Variants in STAC2 observed in about 807,000 individuals in gnomAD.
STAC2 encodes SH3 and cysteine-rich domain-containing protein 2.
In STAC2, 36 loss-of-function variants were observed where a neutral mutation model predicts 49.0. The ratio of observed to expected loss-of-function variants is 0.74; its 90% CI spans 0.56 to 0.97. STAC2 has a LOEUF of 0.97. Ranked by LOEUF, STAC2 falls within the 50% of genes least tolerant of loss-of-function variation. The pLI, the probability that STAC2 is intolerant of heterozygous loss-of-function variation, is 0.00. For missense variants in STAC2, 527 were observed against 543.8 expected, an observed-to-expected ratio of 0.97 and a Z score of 0.31; for synonymous variants, 239 against 214.7, an observed-to-expected ratio of 1.11 and a Z score of -0.99.
In STAC2 at chr17:39,218,010, T is replaced by C. The variant is rs1301027550; in HGVS notation, c.254A>G (p.Asp85Gly). 6.7e-7 allele frequency: 1 copy of C among 1,487,662 alleles called. No homozygotes were observed. 92.2% of individuals were successfully genotyped at this position (1,487,662 alleles called of 1,614,324 possible). Reference protein sequence around the residue: ...PPPSPPPTASDRGLATPSPSP... With the variant: ...PPPSPPPTASGRGLATPSPSP... ...GGGGGATGGGGTAGCCAGGCCCCTG[T>C]CCGAGGCTGTGGGTGGTGGGGAGGG... The change falls in exon 2 of 11, where the codon GAC (aspartate) becomes GGC (glycine). Residue 85 changes from aspartate (D) to glycine (G), a missense_variant. Asp to Gly is a moderately conservative substitution (Grantham distance 94). Coordinates refer to ENST00000333461, the MANE Select transcript of STAC2 (RefSeq NM_198993.5).
At position 39,217,907 on chromosome 17, in the gene STAC2, C is replaced by T. The variant is rs1179390570; in HGVS notation, c.357G>A (p.Lys119=). ...GGCACAGCTCACAAGGGCTAGCTCG[C>T]TTGAAGACATGTTCCTGGAAGCTGT... ...RLHSFQEHVF[K]RASPCELCHQ... is the part of the protein sequence containing the mutation. The change falls in exon 2 of 11, where the codon AAG becomes AAA. Residue 119 remains lysine, a synonymous_variant. Coordinates refer to ENST00000333461, the MANE Select transcript of STAC2 (RefSeq NM_198993.5). 5 of 1,607,176 alleles carry T rather than the reference C, an allele frequency of 3.1e-6. No individual in the cohort carries two copies. Among genetic ancestry groups the T allele is most frequent in the African/African-American group, 2.7e-5 (2 of 74,766 alleles).
Position 39,216,871 on chromosome 17 carries a change from G to A in STAC2, c.525C>T (p.Ser175=), listed in dbSNP as rs754112352. Residue 175 remains serine, a synonymous_variant, in exon 4 of 11, where the codon TCC becomes TCT. Coordinates refer to ENST00000333461, the MANE Select transcript of STAC2 (RefSeq NM_198993.5). ...TSTSFRRNFS[S]PLLVHEPPPV... ...GTGGCGGCTCATGCACCAGGAGAGGGGAACTGAAGTTGCGGCGGAAGGAGG... is the reference window on the plus strand; with the variant it reads ...GTGGCGGCTCATGCACCAGGAGAGGAGAACTGAAGTTGCGGCGGAAGGAGG... 5.0e-6 allele frequency: 8 copies of A among 1,605,018 alleles called. No individual in the cohort carries two copies. The highest frequency in any genetic ancestry group is 6.8e-6 in the Non-Finnish European group (8 of 1,175,930).
Position 39,217,917 on chromosome 17 carries a change from T to C in STAC2, c.347A>G (p.His116Arg). 2 of 1,606,766 alleles carry C rather than the reference T, an allele frequency of 1.2e-6. No homozygotes were observed. The highest frequency in any genetic ancestry group is 2.2e-5 in the South Asian group (2 of 89,842). ...KPVRLHSFQE[H>R]VFKRASPCEL... The stretch of plus-strand genomic sequence containing the variant: ...ACAAGGGCTAGCTCGCTTGAAGACA[T>C]GTTCCTGGAAGCTGTGCAGCCTCAC... Residue 116 changes from histidine to arginine, a missense_variant, in exon 2 of 11, where the codon CAT becomes CGT. By Grantham distance (29) the His-to-Arg change is conservative. Coordinates refer to ENST00000333461, the MANE Select transcript of STAC2 (RefSeq NM_198993.5).
chr17:39,223,142 A>G (rs141903779), intron 1 of STAC2, among the ~76,000 whole-genome samples: 3,190 of 152,270 alleles, frequency 0.021, 49 homozygotes, highest in Non-Finnish European at 0.031. Flanking sequence ...TAAGCCTGGA[A>G]TGTTGGCATC....
chr17:39,214,188 G>A (rs749612330), intron 8 of STAC2, 45 bp downstream of exon 8: 7 of 1,604,004 alleles, frequency 4.4e-6, no homozygotes, highest in South Asian at 2.2e-5. Flanking sequence ...CAAGGTCTGG[G>A]AGCGCAGAGC....
intron 1 of STAC2, among the ~76,000 whole-genome samples, chr17:39,224,687 C>G (rs2046494107): frequency 6.6e-6 from 1 of 152,332 alleles, no homozygotes; most frequent in African/African-American, 2.4e-5. Context: ...TACCCGCTCC[C>G]CCTCCTCTGG....
In STAC2 at chr17:39,212,987, G is replaced by GCACT; in HGVS notation, c.1131+4_1131+7dup. 1 of 1,613,512 alleles carries GCACT rather than the reference G, an allele frequency of 6.2e-7. No individual in the cohort carries two copies. The highest frequency in any genetic ancestry group is 1.7e-5 in the Admixed American group (1 of 60,012). On this transcript the variant is annotated splice_region_variant and intron_variant, in intron 10 of 10. Transcript: ENST00000333461. The stretch of plus-strand genomic sequence containing the variant: ...CCATAGGGCCTGGGCTGGGCCTCAG[G>GCACT]CACTCACCTGGTTCTCCTTGAGGCT...
chr17:39,221,737 C>G (rs900628304), intron 1 of STAC2, among the ~76,000 whole-genome samples: 6 of 151,830 alleles, frequency 4.0e-5, no homozygotes, highest in African/African-American at 1.5e-4. Context: ...CCTCGCCTCT[C>G]AGCTGGGCCC....
Position 39,217,228 on chromosome 17 carries a change from G to A in STAC2, c.398-55C>T, listed in dbSNP as rs148369672. 1.3e-3 allele frequency: 2,057 copies of A among 1,559,960 alleles called. 16 individuals carry two copies. The African/African-American group carries it at 0.024, about 18-fold the overall frequency. ...GACACCCCCGTGGGCAACAGGCAAAGGAGGGGCACATTAGGGGATGAGGAG... is the reference window on the plus strand; with the variant it reads ...GACACCCCCGTGGGCAACAGGCAAAAGAGGGGCACATTAGGGGATGAGGAG... On this transcript the variant is annotated intron_variant, in intron 2 of 10. Transcript: ENST00000333461.
chr17:39,220,585 C>T (rs1332303828), intron 1 of STAC2, among the ~76,000 whole-genome samples: 1 of 151,832 alleles, frequency 6.6e-6, no homozygotes, highest in Non-Finnish European at 1.5e-5. Context: ...AGTGATTCTC[C>T]TGCCTCAGCC....
In STAC2 at chr17:39,225,701, C is replaced by T; in HGVS notation, c.-199G>A. Reference sequence around the variant, plus strand: ...GGTGGCGGGCGAGGGGAGGCCACCACGCTGAGCCGCAGGAGCGGGACGACC... The same window carrying T: ...GGTGGCGGGCGAGGGGAGGCCACCATGCTGAGCCGCAGGAGCGGGACGACC... On this transcript the variant is annotated 5_prime_UTR_variant, in exon 1 of 11. The change creates a new upstream start codon in the 5' untranslated region. Coordinates refer to ENST00000333461, the MANE Select transcript of STAC2 (RefSeq NM_198993.5). The surrounding 1 kb of genome is among the most constrained non-coding windows in gnomAD (Gnocchi z 8.2). The T allele has an allele frequency of 1.7e-6, 1 of 605,538 alleles. No individual in the cohort carries two copies. The highest frequency in any genetic ancestry group is 2.9e-6 in the Non-Finnish European group (1 of 343,222). The allele number at this position is 605,538 out of a possible 1,614,324, so 37.5% of individuals were successfully genotyped here. A position where few individuals can be genotyped will look rare whatever the true frequency, so the allele number is the denominator to read the frequency against.
intron 2 of STAC2, 83 bp from the exon 3 acceptor site, chr17:39,217,256 C>G (rs2046413915): frequency 1.4e-6 from 2 of 1,397,026 alleles, no homozygotes; most frequent in South Asian, 2.4e-5. Context: ...ATGAGGAGAG[C>G]AGGGGTTGGG....
In STAC2 at chr17:39,218,253, C is replaced by G. The variant is rs566704793; in HGVS notation, c.91-80G>C. ...GGGCTTCCCTTCAGGGTGTCTCTGGCGGTAGGGGCGGCAGCAGCAGCAGCA... is the reference window on the plus strand; with the variant it reads ...GGGCTTCCCTTCAGGGTGTCTCTGGGGGTAGGGGCGGCAGCAGCAGCAGCA... On this transcript the variant is annotated intron_variant, in intron 1 of 10. Coordinates refer to ENST00000333461, the MANE Select transcript of STAC2 (RefSeq NM_198993.5). 3.4e-6 allele frequency: 5 copies of G among 1,460,612 alleles called. No homozygotes were observed. In the East Asian group the frequency reaches 6.8e-5, roughly 20 times the overall value. The allele number at this position is 1,460,612 out of a possible 1,614,324, so 90.5% of individuals were successfully genotyped here. A position where few individuals can be genotyped will look rare whatever the true frequency, so the allele number is the denominator to read the frequency against.
In STAC2 at chr17:39,211,163, G is replaced by A. The variant is rs920130921; in HGVS notation, c.*1129C>T. 1 of 152,402 alleles carries A rather than the reference G, an allele frequency of 6.6e-6. No homozygotes were observed. The highest frequency in any genetic ancestry group is 6.5e-5 in the Admixed American group (1 of 15,282). 9.4% of individuals were successfully genotyped at this position (152,402 alleles called of 1,614,324 possible). A position where few individuals can be genotyped will look rare whatever the true frequency, so the allele number is the denominator to read the frequency against. ...ACAGTCACAGGCTCCCCTGGCGGGT[G>A]GTTCCTGTGTGACCGGGGGTCCTGA... On this transcript the variant is annotated 3_prime_UTR_variant, in exon 11 of 11. Coordinates refer to ENST00000333461, the MANE Select transcript of STAC2 (RefSeq NM_198993.5).
chr17:39,217,903 C>T lies in STAC2; in HGVS notation c.361G>A (p.Ala121Thr), dbSNP rs2046420346. Residue 121 changes from alanine (A) to threonine (T), a missense_variant, in exon 2 of 11, where the codon GCT becomes ACT. Coordinates refer to ENST00000333461, the MANE Select transcript of STAC2 (RefSeq NM_198993.5). ...HSFQEHVFKR[A>T]SPCELCHQLI... ...TGGTGGCACAGCTCACAAGGGCTAG[C>T]TCGCTTGAAGACATGTTCCTGGAAG... 1 of 1,607,052 alleles carries T rather than the reference C, an allele frequency of 6.2e-7. No homozygotes were observed. The highest frequency in any genetic ancestry group is 1.3e-5 in the African/African-American group (1 of 74,778).
In STAC2 at chr17:39,212,280, C is replaced by T. The variant is rs369092458; in HGVS notation, c.*12G>A. Reference sequence around the variant, plus strand: ...ATGGGCAAGGGTGTCATCTGGGTTCCCTTGGCTCCTCTCAGATCTCAGTCA... The same window carrying T: ...ATGGGCAAGGGTGTCATCTGGGTTCTCTTGGCTCCTCTCAGATCTCAGTCA... On this transcript the variant is annotated 3_prime_UTR_variant, in exon 11 of 11. Coordinates refer to ENST00000333461, the MANE Select transcript of STAC2 (RefSeq NM_198993.5). 8.0e-4 allele frequency: 1,280 copies of T among 1,598,772 alleles called. 1 individual carries two copies. The highest frequency in any genetic ancestry group is 9.7e-4 in the Non-Finnish European group (1,132 of 1,170,838).
chr17:39,223,421 C>T (rs758117199), intron 1 of STAC2, among the ~76,000 whole-genome samples: 5 of 152,196 alleles, frequency 3.3e-5, no homozygotes, highest in Non-Finnish European at 5.9e-5. Context: ...AGGGGAGGGG[C>T]GGAGGGCCGG....
At position 39,217,874 on chromosome 17, in the gene STAC2, G is replaced by A. The variant is rs201448479; in HGVS notation, c.390C>T (p.Leu130=). 5 of 1,602,858 alleles carry A rather than the reference G, an allele frequency of 3.1e-6. No homozygotes were observed. The East Asian group carries it at 6.8e-5, about 22-fold the overall frequency. Residue 130 remains leucine, a synonymous_variant, in exon 2 of 11, where the codon CTC becomes CTT. Transcript: ENST00000333461. ...CAGTGCCCAGGCACCTACCTACGAT[G>A]AGCTGGTGGCACAGCTCACAAGGGC... ...RASPCELCHQ[L]IVGNSKQGLR...
chr17:39,213,550 T>C lies in STAC2; in HGVS notation c.950A>G (p.Asp317Gly). 6.2e-7 allele frequency: 1 copy of C among 1,613,626 alleles called. No homozygotes were observed. Among genetic ancestry groups the C allele is most frequent in the Non-Finnish European group, 8.5e-7 (1 of 1,179,736 alleles). ...ENNDLALQPG[D>G]RIMLVDDSNE... is the part of the protein sequence containing the mutation. ...AGAGTCATCCACCAGCATGATCCGA[T>C]CTCCAGGCCTGGGGAGGACAGAGCT... The change falls in exon 9 of 11, where the codon GAT becomes GGT. Residue 317 changes from aspartate to glycine, a missense_variant. Coordinates refer to ENST00000333461, the MANE Select transcript of STAC2 (RefSeq NM_198993.5).
Sources: gnomAD v4.1 joint callset for allele counts (sites outside exome capture counted in the v4.1 genomes callset) on GRCh38, gnomAD v4.1.1 for gene constraint, Gnocchi (gnomAD v3.1) non-coding constraint, MANE v1.5 for transcripts, NCBI Gene and HGNC (gene_info 2026-07-23, HGNC 2026-07-21) for gene names.